Variants in GTF2A2 observed in about 807,000 individuals in gnomAD.
GTF2A2 encodes general transcription factor IIA subunit 2.
A neutral mutation model predicts 14.3 loss-of-function variants in GTF2A2; 9 were observed. The ratio of observed to expected loss-of-function variants is 0.63; its 90% CI spans 0.38 to 1.10. The LOEUF (loss-of-function observed/expected upper bound fraction) is 1.10, where lower values mean the gene tolerates loss of function less well. Ranked by LOEUF, GTF2A2 falls within the 50% of genes least tolerant of loss-of-function variation. The pLI, the probability that GTF2A2 is intolerant of heterozygous loss-of-function variation, is 0.01. For synonymous variants in GTF2A2, 56 were observed against 46.0 expected, an observed-to-expected ratio of 1.22 and a Z score of -0.88; for missense variants, 90 against 124.6, an observed-to-expected ratio of 0.72 and a Z score of 1.32.
At chr15:59,641,971 T>G (rs1192324230) in intron 4 of GTF2A2, among the ~76,000 whole-genome samples, 165 bp downstream of exon 4, 3 of 152,202 alleles carry the variant, frequency 2.0e-5, no homozygotes, top group Non-Finnish European at 4.4e-5. Flanking sequence ...GAGCACTGTT[T>G]GAGATATGTA....
intron 3 of GTF2A2, chr15:59,644,245 A>G (rs1217870108): frequency 1.3e-5 from 2 of 152,180 alleles, no homozygotes; most frequent in Non-Finnish European, 2.9e-5. Context: ...CACCAACAGA[A>G]TACAATTAAA....
rs758073093 is a variant in GTF2A2, at chr15:59,638,665, A to G, written c.*467T>C. On this transcript the variant is annotated 3_prime_UTR_variant, in exon 5 of 5. Coordinates refer to ENST00000396060, the MANE Select transcript of GTF2A2 (RefSeq NM_004492.3). ...ACTTTGGTTTTGTATTTTAAAAAGC[A>G]AGGGATTTTCTTAAAAAATTCCATC... 6.6e-6 allele frequency: 1 copy of G among 152,452 alleles called. No individual in the cohort carries two copies. Among genetic ancestry groups the G allele is most frequent in the Non-Finnish European group, 1.5e-5 (1 of 68,236 alleles). 9.4% of individuals were successfully genotyped at this position (152,452 alleles called of 1,614,324 possible).
intron 3 of GTF2A2, among the ~76,000 whole-genome samples, chr15:59,648,283 C>A (rs1487611913): frequency 2.0e-5 from 3 of 151,146 alleles, no homozygotes; most frequent in Non-Finnish European, 2.9e-5. Flanking sequence ...TGGCGTGTGC[C>A]TGTAATCCCA....
intron 1 of GTF2A2, 75 bp from the exon 2 acceptor site, chr15:59,652,401 C>T (rs375520518): frequency 1.7e-6 from 1 of 592,884 alleles, no homozygotes; most frequent in Non-Finnish European, 2.9e-6. Context: ...TATCATCTAC[C>T]TCAAATATTC....
intron 3 of GTF2A2, among the ~76,000 whole-genome samples, chr15:59,643,072 ATTTTTT>A (rs398043378): frequency 1.6e-4 from 10 of 64,104 alleles, no homozygotes; most frequent in East Asian, 7.7e-4. Context: ...GGCCTATATA[ATTTTTT>A]TTTTTTTTTT....
At chr15:59,648,745 A>T (rs1397005232) in intron 3 of GTF2A2, among the ~76,000 whole-genome samples, 2 of 152,004 alleles carry the variant, frequency 1.3e-5, no homozygotes, top group Non-Finnish European at 2.9e-5. Flanking sequence ...CCATCCTGGC[A>T]AATACGGTGA....
chr15:59,639,127 T>G lies in GTF2A2; in HGVS notation c.*5A>C. 2 of 1,432,042 alleles carry G rather than the reference T, an allele frequency of 1.4e-6. No individual in the cohort carries two copies. Among genetic ancestry groups the G allele is most frequent in the Non-Finnish European group, 2.0e-6 (2 of 1,016,682 alleles). The allele number at this position is 1,432,042 out of a possible 1,614,324, so 88.7% of individuals were successfully genotyped here. On this transcript the variant is annotated 3_prime_UTR_variant, in exon 5 of 5. Transcript: ENST00000396060. ...GATGGTGTAAAAAAGTCATATTTTT[T>G]CTATTCATTCTGTAGTATTGGAGCC...
Position 59,638,322 on chromosome 15 carries a change from A to C in GTF2A2, c.*810T>G, listed in dbSNP as rs145665174. On this transcript the variant is annotated 3_prime_UTR_variant, in exon 5 of 5. Transcript: ENST00000396060. ...TACTCCAATTGGGTCAATCCAGTTA[A>C]CCATGTAAGAAACTCCTCACCTAGG... is the stretch of plus-strand genomic sequence containing the variant. 4.8e-4 allele frequency: 73 copies of C among 152,322 alleles called. No individual in the cohort carries two copies. Among genetic ancestry groups the C allele is most frequent in the African/African-American group, 1.8e-3 (73 of 41,562 alleles). The allele number at this position is 152,322 out of a possible 1,614,324, so 9.4% of individuals were successfully genotyped here. A position where few individuals can be genotyped will look rare whatever the true frequency, so the allele number is the denominator to read the frequency against.
At chr15:59,639,262 T>G in intron 4 of GTF2A2, 105 bp from the exon 5 acceptor site, 1 of 743,808 alleles carries the variant, frequency 1.3e-6, no homozygotes. Context: ...GGACTAATAG[T>G]GGTGGTGGCT....
At chr15:59,639,607 T>C (rs929042002) in intron 4 of GTF2A2, among the ~76,000 whole-genome samples, 7 of 149,972 alleles carry the variant, frequency 4.7e-5, no homozygotes, top group African/African-American at 1.7e-4. Flanking sequence ...GGACTACAGG[T>C]GCCCGCCACC....
rs185472244 is a variant in GTF2A2, at chr15:59,650,120, T to G, written c.177+549A>C. Among the ~76,000 whole-genome samples the G allele has an allele frequency of 1.2e-4, 18 of 152,346 alleles. No homozygotes were observed. In the South Asian group the frequency reaches 1.5e-3, roughly 12 times the overall value. ...GAAGTTATCAGGAAATTGAGAGAGA[T>G]AATTTTATTCAGCTTTGGATGACTA... On this transcript the variant is annotated intron_variant, in intron 3 of 4. Coordinates refer to ENST00000396060, the MANE Select transcript of GTF2A2 (RefSeq NM_004492.3).
intron 4 of GTF2A2, among the ~76,000 whole-genome samples, chr15:59,641,130 G>A (rs956741962): frequency 8.6e-5 from 13 of 151,568 alleles, no homozygotes; most frequent in Admixed American, 2.0e-4. Context: ...GAGGTGGGAA[G>A]GTCACCTGAG....
At chr15:59,642,949 C>T (rs1208922987) in intron 3 of GTF2A2, among the ~76,000 whole-genome samples, 1 of 150,910 alleles carries the variant, frequency 6.6e-6, no homozygotes, top group African/African-American at 2.4e-5. Context: ...TTATTTTTAG[C>T]AGAGATGGTG....
At chr15:59,640,588 A>G (rs1023776085) in intron 4 of GTF2A2, among the ~76,000 whole-genome samples, 1 of 152,236 alleles carries the variant, frequency 6.6e-6, no homozygotes, top group African/African-American at 2.4e-5. Context: ...ATGAGTGGCT[A>G]TTGGAAAATG....
chr15:59,642,267 A>AAAAC lies in GTF2A2; in HGVS notation c.178-9_178-6dup, dbSNP rs1891454603. ...TCTGTACGTATTTAGAGAGCCCTTTAAAACAAAACATTTAGAAATACCGTG... is the reference window on the plus strand; with the variant it reads ...TCTGTACGTATTTAGAGAGCCCTTTAAAACAAACAAAACATTTAGAAATACCGTG... On this transcript the variant is annotated splice_polypyrimidine_tract_variant and splice_region_variant and intron_variant, in intron 3 of 4. Transcript: ENST00000396060. 5 of 1,585,098 alleles carry AAAAC rather than the reference A, an allele frequency of 3.2e-6. No homozygotes were observed. The African/African-American group carries it at 4.1e-5, about 13-fold the overall frequency.
chr15:59,638,991 G>A lies in GTF2A2; in HGVS notation c.*141C>T, dbSNP rs1380142716. On this transcript the variant is annotated 3_prime_UTR_variant, in exon 5 of 5. Coordinates refer to ENST00000396060, the MANE Select transcript of GTF2A2 (RefSeq NM_004492.3). ...GATGTAAGAGGCTACAGAGTTACAAGTTTCTTTCTACTGGAATTCTCTGGT... is the reference window on the plus strand; with the variant it reads ...GATGTAAGAGGCTACAGAGTTACAAATTTCTTTCTACTGGAATTCTCTGGT... 1.6e-5 allele frequency: 10 copies of A among 636,996 alleles called. No individual in the cohort carries two copies. The African/African-American group carries it at 1.9e-4, about 12-fold the overall frequency. The allele number at this position is 636,996 out of a possible 1,614,324, so 39.5% of individuals were successfully genotyped here. A position where few individuals can be genotyped will look rare whatever the true frequency, so the allele number is the denominator to read the frequency against.
rs990554397 is a variant in GTF2A2, at chr15:59,657,427, C to G, written c.-71G>C. On this transcript the variant is annotated 5_prime_UTR_variant, in exon 1 of 5. Coordinates refer to ENST00000396060, the MANE Select transcript of GTF2A2 (RefSeq NM_004492.3). ...CTACCTGTGGGGAAGGCGCTTCCCT[C>G]CGCGGAGCGGACAGAAGCCGCCACG... The G allele has an allele frequency of 1.3e-5, 2 of 152,438 alleles. No homozygotes were observed. Among genetic ancestry groups the G allele is most frequent in the Admixed American group, 6.5e-5 (1 of 15,296 alleles). 9.4% of individuals were successfully genotyped at this position (152,438 alleles called of 1,614,324 possible).
chr15:59,655,916 C>A (rs1320113882), intron 1 of GTF2A2, among the ~76,000 whole-genome samples: 1 of 152,212 alleles, frequency 6.6e-6, no homozygotes, highest in Non-Finnish European at 1.5e-5. Context: ...AACCACTTCT[C>A]ACCATCCCTA....
In GTF2A2 at chr15:59,642,106, A is replaced by G. The variant is rs989014579; in HGVS notation, c.304+30T>C. 5 of 1,577,810 alleles carry G rather than the reference A, an allele frequency of 3.2e-6. No homozygotes were observed. In the East Asian group the frequency reaches 1.1e-4, roughly 36 times the overall value. On this transcript the variant is annotated intron_variant, in intron 4 of 4. Transcript: ENST00000396060. Reference sequence around the variant, plus strand: ...GGCTCATAAAAACAAGGTTTCAAGTAGCTTTCACAGAAATAAGGCAAGCAC... The same window carrying G: ...GGCTCATAAAAACAAGGTTTCAAGTGGCTTTCACAGAAATAAGGCAAGCAC...
Sources: allele counts gnomAD v4.1 joint callset (sites outside exome capture counted in the v4.1 genomes callset), GRCh38; gene constraint gnomAD v4.1.1; transcripts MANE v1.5; gene names NCBI Gene and HGNC (gene_info 2026-07-23, HGNC 2026-07-21).